The following KCTD16 variants were observed in gnomAD, a reference collection of about 807,000 sequenced individuals.
KCTD16 encodes the protein potassium channel tetramerization domain containing 16.
A neutral mutation model predicts 33.2 loss-of-function variants in KCTD16; 13 were observed. The observed-to-expected ratio is 0.39, with a 90% CI of 0.25 to 0.62. KCTD16 has a LOEUF of 0.62. Ranked by LOEUF, KCTD16 falls within the 20% of genes least tolerant of loss-of-function variation. The pLI is 0.50. For synonymous variants in KCTD16, 197 were observed against 195.3 expected (o/e 1.01, Z -0.07); for missense variants, 441 against 525.1 (o/e 0.84, Z 1.57).
intron 3 of KCTD16, among the ~76,000 whole-genome samples, chr5:144,228,079 A>G (rs1441976145): frequency 1.3e-5 from 2 of 152,194 alleles, no homozygotes; most frequent in African/African-American, 4.8e-5. Flanking sequence ...GGCTTAAGAT[A>G]TAAAGCTGGG....
chr5:144,321,297 G>T (rs960354675), intron 3 of KCTD16, among the ~76,000 whole-genome samples: 1 of 152,198 alleles, frequency 6.6e-6, no homozygotes, highest in African/African-American at 2.4e-5. Context: ...CACCTGCTTC[G>T]AAATCACCTA....
intron 3 of KCTD16, among the ~76,000 whole-genome samples, chr5:144,357,072 A>G (rs1751586638): frequency 6.6e-6 from 1 of 152,194 alleles, no homozygotes; most frequent in African/African-American, 2.4e-5. Flanking sequence ...GAACCTAAGG[A>G]AAAGGATCCC....
At chr5:144,278,140 A>C (rs143204833) in intron 3 of KCTD16, among the ~76,000 whole-genome samples, 1 of 152,268 alleles carries the variant, frequency 6.6e-6, no homozygotes, top group East Asian at 1.9e-4. Flanking sequence ...GTCTTCTAAA[A>C]GTGTAATAGT....
At position 144,463,624 on chromosome 5, in the gene KCTD16, T is replaced by C. The variant is rs72802410; in HGVS notation, c.833-10036T>C. Among the ~76,000 whole-genome samples, 646 of 152,318 alleles carry C rather than the reference T, an allele frequency of 4.2e-3. 5 individuals are homozygous for C. The highest frequency in any genetic ancestry group is 7.3e-3 in the Non-Finnish European group (494 of 68,030). The stretch of plus-strand genomic sequence containing the variant: ...CCACTTACTGGGCTTTAGTGCCTGC[T>C]TCTCTGTGGAAATTCTGGGGTCACA... On this transcript the variant is annotated intron_variant, in intron 3 of 3. Coordinates refer to ENST00000512467, the MANE Select transcript of KCTD16 (RefSeq NM_020768.4).
intron 3 of KCTD16, among the ~76,000 whole-genome samples, chr5:144,397,929 A>T (rs1752611476): frequency 6.6e-6 from 1 of 152,196 alleles, no homozygotes; most frequent in East Asian, 1.9e-4. Context: ...CCTTGAGATG[A>T]TCCCAAAAAA....
intron 3 of KCTD16, among the ~76,000 whole-genome samples, chr5:144,453,526 G>A (rs1264414192): frequency 7.2e-5 from 11 of 152,124 alleles, no homozygotes; most frequent in Admixed American, 6.5e-4. Context: ...CCCCTAGTAT[G>A]AGTCCACATT....
chr5:144,264,097 CA>C (rs1161781454), intron 3 of KCTD16, among the ~76,000 whole-genome samples: 1 of 152,198 alleles, frequency 6.6e-6, no homozygotes, highest in East Asian at 1.9e-4. Context: ...GACTGTAACA[CA>C]AGCCTTATTT....
chr5:144,383,801 A>G (rs1425315730), intron 3 of KCTD16, among the ~76,000 whole-genome samples: 1 of 152,104 alleles, frequency 6.6e-6, no homozygotes. Flanking sequence ...CTCATCCTTT[A>G]TTTGGTTTCA....
intron 3 of KCTD16, among the ~76,000 whole-genome samples, chr5:144,300,545 A>G (rs751948875): frequency 3.3e-4 from 51 of 152,334 alleles, no homozygotes; most frequent in Middle Eastern, 3.4e-3. Flanking sequence ...TGCAATACAC[A>G]AGTTATAACT....
intron 3 of KCTD16, among the ~76,000 whole-genome samples, chr5:144,268,353 A>C (rs1399925695): frequency 6.6e-6 from 1 of 152,168 alleles, no homozygotes; most frequent in Admixed American, 6.5e-5. Flanking sequence ...ATCTGAGGTG[A>C]CCTCTAAGGG....
chr5:144,295,124 T>C (rs1357108509), intron 3 of KCTD16, among the ~76,000 whole-genome samples: 1 of 152,204 alleles, frequency 6.6e-6, no homozygotes, highest in Non-Finnish European at 1.5e-5. Context: ...TTATGCAAGT[T>C]AACTGCTTTT....
chr5:144,429,046 G>A (rs539751989), intron 3 of KCTD16, among the ~76,000 whole-genome samples: 1 of 152,206 alleles, frequency 6.6e-6, no homozygotes, highest in South Asian at 2.1e-4. Context: ...GTAGCAGGTG[G>A]CAGTAAAAAG....
At chr5:144,342,133 G>C (rs1036758366) in intron 3 of KCTD16, among the ~76,000 whole-genome samples, 1 of 152,058 alleles carries the variant, frequency 6.6e-6, no homozygotes, top group Non-Finnish European at 1.5e-5. Flanking sequence ...TAGCTTGATG[G>C]GGATGGCATT....
intron 3 of KCTD16, among the ~76,000 whole-genome samples, chr5:144,418,258 G>A (rs985724617): frequency 6.6e-6 from 1 of 152,282 alleles, no homozygotes; most frequent in Middle Eastern, 3.4e-3. Context: ...GGCTTCCACA[G>A]CGTGGAAGGA....
intron 3 of KCTD16, among the ~76,000 whole-genome samples, chr5:144,252,812 A>T (rs1754738084): frequency 6.6e-6 from 1 of 151,126 alleles, no homozygotes; most frequent in Non-Finnish European, 1.5e-5. Flanking sequence ...CTCTCTAATT[A>T]TCTTTAACTC....
At chr5:144,347,547 A>AGAG (rs1233136983) in intron 3 of KCTD16, among the ~76,000 whole-genome samples, 1 of 152,148 alleles carries the variant, frequency 6.6e-6, no homozygotes, top group Non-Finnish European at 1.5e-5. Flanking sequence ...GTGAGCCGAG[A>AGAG]TCGCACCATC....
chr5:144,451,148 C>A (rs1753932390), intron 3 of KCTD16, among the ~76,000 whole-genome samples: 1 of 152,016 alleles, frequency 6.6e-6, no homozygotes, highest in South Asian at 2.1e-4. Flanking sequence ...CTATTACCCT[C>A]TATATATTTT....
intron 3 of KCTD16, among the ~76,000 whole-genome samples, chr5:144,367,625 C>G (rs576995738): frequency 6.6e-6 from 1 of 152,056 alleles, no homozygotes; most frequent in Non-Finnish European, 1.5e-5. Context: ...ATATCCCACT[C>G]AGGAGAGTAA....
chr5:144,310,887 C>T (rs564682216), intron 3 of KCTD16, among the ~76,000 whole-genome samples: 1 of 152,294 alleles, frequency 6.6e-6, no homozygotes, highest in East Asian at 1.9e-4. Flanking sequence ...AATGCTCATT[C>T]CCATCAGGCA....
Sources: allele counts gnomAD v4.1 joint callset (sites outside exome capture counted in the v4.1 genomes callset), GRCh38; gene constraint gnomAD v4.1.1; transcripts MANE v1.5; gene names NCBI Gene and HGNC (gene_info 2026-07-23, HGNC 2026-07-21).